Variants in INPP4B observed in about 807,000 individuals in gnomAD.
INPP4B encodes inositol polyphosphate 4-phosphatase type II.
Under a neutral mutation model 122.5 loss-of-function variants are expected in INPP4B, and 55 were observed. That is an observed-to-expected ratio of 0.45 (90% CI 0.36 to 0.56). The LOEUF (loss-of-function observed/expected upper bound fraction) is 0.56. Ranked by LOEUF, INPP4B falls within the 20% of genes least tolerant of loss-of-function variation. The pLI is 0.00. For synonymous variants in INPP4B, 403 were observed against 388.7 expected (o/e 1.04, Z -0.43); for missense variants, 1,000 against 1,097.7 (o/e 0.91, Z 1.26).
intron 2 of INPP4B, among the ~76,000 whole-genome samples, chr4:142,697,531 A>G (rs2150745683): frequency 6.6e-6 from 1 of 152,340 alleles, no homozygotes; most frequent in African/African-American, 2.4e-5. Flanking sequence ...TAAAACTGTC[A>G]ATCAATCTTA....
Position 142,027,313 on chromosome 4 carries a change from C to T in INPP4B, c.*1469G>A, listed in dbSNP as rs1412897848. The stretch of plus-strand genomic sequence containing the variant: ...TCCTTATTTCAACAGGAATCCTAGG[C>T]AAGGAGCTATCACATTAGCTATGGG... On this transcript the variant is annotated 3_prime_UTR_variant, in exon 26 of 26. Coordinates refer to ENST00000262992, the MANE Select transcript of INPP4B (RefSeq NM_001101669.3). The T allele has an allele frequency of 6.6e-6, 1 of 152,118 alleles. No homozygotes were observed. Among genetic ancestry groups the T allele is most frequent in the Non-Finnish European group, 1.5e-5 (1 of 68,016 alleles). 9.4% of individuals were successfully genotyped at this position (152,118 alleles called of 1,614,324 possible).
intron 25 of INPP4B, among the ~76,000 whole-genome samples, chr4:142,043,404 T>TTA (rs1277888768): frequency 2.0e-5 from 3 of 152,168 alleles, no homozygotes; most frequent in Non-Finnish European, 4.4e-5. Context: ...TCAAAATGCT[T>TTA]TATATATATC....
intron 7 of INPP4B, among the ~76,000 whole-genome samples, chr4:142,364,572 A>C (rs1391480454): frequency 3.3e-5 from 5 of 152,090 alleles, no homozygotes; most frequent in Non-Finnish European, 7.4e-5. Context: ...AAGACAAAAG[A>C]CAAAGGAAGG....
intron 25 of INPP4B, among the ~76,000 whole-genome samples, chr4:142,076,467 A>G (rs574405917): frequency 5.0e-4 from 76 of 152,188 alleles, no homozygotes; most frequent in African/African-American, 1.6e-3. Context: ...TCATGTTTTT[A>G]TTAATAACCC....
intron 3 of INPP4B, among the ~76,000 whole-genome samples, chr4:142,443,916 G>C (rs1812364592): frequency 6.6e-6 from 1 of 151,960 alleles, no homozygotes; most frequent in African/African-American, 2.4e-5. Context: ...AGTGTCAAAA[G>C]CAAAAGCAAA....
chr4:142,151,250 C>T (rs1004933029), intron 17 of INPP4B, among the ~76,000 whole-genome samples: 3 of 152,076 alleles, frequency 2.0e-5, no homozygotes, highest in African/African-American at 7.2e-5. Context: ...CAAACTGGCA[C>T]GTGTATAGCC....
chr4:142,109,686 A>G (rs1165736770), intron 22 of INPP4B, among the ~76,000 whole-genome samples: 1 of 152,116 alleles, frequency 6.6e-6, no homozygotes, highest in Non-Finnish European at 1.5e-5. Context: ...TCCCCCACGG[A>G]TTCATCTCCC....
At chr4:142,398,573 A>G (rs1473431500) in intron 7 of INPP4B, among the ~76,000 whole-genome samples, 1 of 150,992 alleles carries the variant, frequency 6.6e-6, no homozygotes, top group East Asian at 1.9e-4. Context: ...CTCAACAGGT[A>G]TAGTTAGACT....
intron 7 of INPP4B, among the ~76,000 whole-genome samples, chr4:142,390,908 G>T (rs1797466114): frequency 1.3e-5 from 2 of 152,036 alleles, no homozygotes; most frequent in South Asian, 4.1e-4. Context: ...CTTTTAGGAG[G>T]TTCATGAAAG....
At chr4:142,184,311 T>C (rs1832186665) in intron 15 of INPP4B, among the ~76,000 whole-genome samples, 1 of 152,210 alleles carries the variant, frequency 6.6e-6, no homozygotes, top group South Asian at 2.1e-4. Flanking sequence ...CCTTCTTCTT[T>C]CGGAAGACGT....
chr4:142,649,714 T>C (rs149424984), intron 2 of INPP4B, among the ~76,000 whole-genome samples: 1 of 152,112 alleles, frequency 6.6e-6, no homozygotes, highest in African/African-American at 2.4e-5. Context: ...TACAGGACTA[T>C]GTGAAAAGAC....
At chr4:142,633,158 C>T (rs936532118) in intron 2 of INPP4B, among the ~76,000 whole-genome samples, 3 of 151,812 alleles carry the variant, frequency 2.0e-5, no homozygotes, top group Non-Finnish European at 4.4e-5. Flanking sequence ...ACAAAAAGGA[C>T]ACTTCATAAC....
At chr4:142,403,152 T>C in intron 6 of INPP4B, 98 bp from the exon 7 acceptor site, 1 of 733,532 alleles carries the variant, frequency 1.4e-6, no homozygotes, top group Non-Finnish European at 2.5e-6. Context: ...TGTGCCTGAG[T>C]CTGTTTTTCA....
At chr4:142,316,735 T>A (rs1767846935) in intron 7 of INPP4B, among the ~76,000 whole-genome samples, 1 of 152,242 alleles carries the variant, frequency 6.6e-6, no homozygotes, top group African/African-American at 2.4e-5. Context: ...ATCATAAATA[T>A]TAATATAAAA....
chr4:142,605,474 A>G (rs1041189011), intron 2 of INPP4B, among the ~76,000 whole-genome samples: 1 of 152,032 alleles, frequency 6.6e-6, no homozygotes, highest in Non-Finnish European at 1.5e-5. Flanking sequence ...GAAACAATTG[A>G]CACGTTGAAG....
chr4:142,662,244 C>CA (rs1755324830), intron 2 of INPP4B, among the ~76,000 whole-genome samples: 1 of 149,634 alleles, frequency 6.7e-6, no homozygotes, highest in Non-Finnish European at 1.5e-5. Flanking sequence ...AAAAAAAAAA[C>CA]AAAAAACAAA....
chr4:142,713,911 T>TAAAACTTCTAA (rs1763423247), intron 2 of INPP4B, among the ~76,000 whole-genome samples: 2 of 152,232 alleles, frequency 1.3e-5, no homozygotes, highest in Non-Finnish European at 2.9e-5. Context: ...TGTTTTCTTC[T>TAAAACTTCTAA]AAAGCAGCAT....
intron 3 of INPP4B, among the ~76,000 whole-genome samples, chr4:142,451,320 G>A (rs392514): frequency 1.5e-5 from 2 of 136,670 alleles, no homozygotes; most frequent in African/African-American, 2.7e-5. Flanking sequence ...GCATGATCAC[G>A]ACTCACTGCA....
intron 9 of INPP4B, among the ~76,000 whole-genome samples, chr4:142,271,726 G>A (rs1180881629): frequency 2.6e-5 from 4 of 152,102 alleles, no homozygotes; most frequent in Admixed American, 6.5e-5. Flanking sequence ...CCAAGGTAAC[G>A]AAGTGGCAAT....
Sources: gnomAD v4.1 joint callset for allele counts (sites outside exome capture counted in the v4.1 genomes callset) on GRCh38, gnomAD v4.1.1 for gene constraint, MANE v1.5 for transcripts, NCBI Gene and HGNC (gene_info 2026-07-23, HGNC 2026-07-21) for gene names.